Variants in ABCG2 observed in about 807,000 individuals in gnomAD.
ABCG2 encodes ATP binding cassette subfamily G member 2 (JR blood group), also known as broad substrate specificity ATP-binding cassette transporter ABCG2.
A neutral mutation model predicts 73.5 loss-of-function variants in ABCG2; 80 were observed. The observed-to-expected ratio is 1.09, with a 90% CI of 0.91 to 1.31. ABCG2 has a LOEUF of 1.31. Ranked by LOEUF, ABCG2 falls within the 50% of genes most tolerant of loss-of-function variation. The pLI is 0.00. For missense variants in ABCG2, 796 were observed against 786.2 expected, an observed-to-expected ratio of 1.01 and a Z score of -0.15; for synonymous variants, 269 against 282.4, an observed-to-expected ratio of 0.95 and a Z score of 0.48.
intron 11 of ABCG2, 30 bp from the exon 12 acceptor site, chr4:88,099,478 C>A: frequency 6.4e-7 from 1 of 1,572,608 alleles, no homozygotes; most frequent in South Asian, 1.2e-5. Flanking sequence ...ATCATACATC[C>A]AAGATTAGTT....
At chr4:88,230,854 G>A (rs892897441) in intron 1 of ABCG2, 1 of 152,166 alleles carries the variant, frequency 6.6e-6, no homozygotes, top group Non-Finnish European at 1.5e-5. Context: ...GTTTCAGCAA[G>A]ATCTCCAGGT....
Position 88,131,103 on chromosome 4 carries a change from C to A in ABCG2, c.489G>T (p.Arg163Ser). The A allele has an allele frequency of 6.2e-7, 1 of 1,613,946 alleles. No homozygotes were observed. Among genetic ancestry groups the A allele is most frequent in the Non-Finnish European group, 8.5e-7 (1 of 1,179,976 alleles). The stretch of plus-strand genomic sequence containing the variant: ...TATCCAGACCTAACTCTTGAATGAC[C>A]CTGTTAATCCGTTCGTTTTTTTCAT... ...TNHEKNERINRVIQELGLDKV... is the reference protein window; with the variant it reads ...TNHEKNERINSVIQELGLDKV... Residue 163 changes from arginine to serine, a missense_variant, in exon 5 of 16, where the codon AGG (arginine) becomes AGT (serine). Arg to Ser is a moderately radical substitution (Grantham distance 110, BLOSUM62 -1). Coordinates refer to ENST00000237612, the MANE Select transcript of ABCG2 (RefSeq NM_004827.3).
intron 1 of ABCG2, among the ~76,000 whole-genome samples, chr4:88,144,655 C>T (rs1463379297): frequency 6.6e-6 from 1 of 151,974 alleles, no homozygotes; most frequent in Non-Finnish European, 1.5e-5. Flanking sequence ...GAAGTTTCAC[C>T]ATGGTGGTCA....
intron 5 of ABCG2, among the ~76,000 whole-genome samples, chr4:88,128,869 T>C (rs1273478538): frequency 1.3e-5 from 2 of 152,230 alleles, no homozygotes; most frequent in Non-Finnish European, 2.9e-5. Context: ...ATGTATACTA[T>C]GTAACAAACC....
chr4:88,143,694 C>T (rs962859627), intron 1 of ABCG2, among the ~76,000 whole-genome samples: 5 of 151,928 alleles, frequency 3.3e-5, no homozygotes, highest in South Asian at 2.1e-4. Context: ...CAATCTTCCT[C>T]GGGAGATACA....
At chr4:88,122,232 G>A (rs1724058981) in intron 5 of ABCG2, among the ~76,000 whole-genome samples, 1 of 152,104 alleles carries the variant, frequency 6.6e-6, no homozygotes, top group African/African-American at 2.4e-5. Flanking sequence ...CACAAAACTG[G>A]GTGGCCATTT....
At chr4:88,151,607 G>A (rs1274307199) in intron 1 of ABCG2, among the ~76,000 whole-genome samples, 2 of 152,020 alleles carry the variant, frequency 1.3e-5, no homozygotes, top group African/African-American at 2.4e-5. Flanking sequence ...GCGTGGTGGA[G>A]GGGCGCCGGT....
chr4:88,124,942 A>G (rs1050566834), intron 5 of ABCG2, among the ~76,000 whole-genome samples: 86 of 152,354 alleles, frequency 5.6e-4, no homozygotes, highest in African/African-American at 1.9e-3. Flanking sequence ...AAGAACGGAA[A>G]TCATAACCAA....
intron 1 of ABCG2, among the ~76,000 whole-genome samples, chr4:88,140,349 G>A (rs1031644828): frequency 4.6e-5 from 7 of 152,132 alleles, no homozygotes; most frequent in Admixed American, 4.6e-4. Context: ...GGCTTGAAAA[G>A]CATATTATGA....
rs770030968 is a variant in ABCG2 at position 88,131,802 on chromosome 4, C to T, written c.378+1G>A. ...GAAAATGCAAACCCACTAATACTTA[C>T]TTGTACCACGTAACCTGAATTACAT... On this transcript the variant is annotated splice_donor_variant, in intron 4 of 15. Transcript: ENST00000237612. LOFTEE classifies it high-confidence loss of function. The T allele has an allele frequency of 6.2e-6, 10 of 1,611,346 alleles. No homozygotes were observed. Among genetic ancestry groups the T allele is most frequent in the Non-Finnish European group, 8.5e-6 (10 of 1,178,676 alleles).
At chr4:88,096,822 T>A (rs2110176186) in intron 13 of ABCG2, among the ~76,000 whole-genome samples, 1 of 152,196 alleles carries the variant, frequency 6.6e-6, no homozygotes, top group South Asian at 2.1e-4. Flanking sequence ...CTTAGTAGTG[T>A]GTGAACTCTG....
chr4:88,212,515 T>TA (rs1729645032), intron 1 of ABCG2, among the ~76,000 whole-genome samples: 1 of 152,226 alleles, frequency 6.6e-6, no homozygotes, highest in Non-Finnish European at 1.5e-5. Context: ...CCACCCTGCG[T>TA]TACCTATGTA....
chr4:88,096,636 T>C (rs182661739), intron 13 of ABCG2, among the ~76,000 whole-genome samples: 398 of 152,242 alleles, frequency 2.6e-3, no homozygotes, highest in Non-Finnish European at 4.5e-3. Context: ...AGACAGGACA[T>C]GTTCCTGTCA....
chr4:88,158,660 C>T (rs1377782079), upstream of ABCG2: 2 of 456,268 alleles, frequency 4.4e-6, no homozygotes, highest in Non-Finnish European at 8.8e-6. Flanking sequence ...TCCTGCGCGC[C>T]CGGAACCTTT....
chr4:88,115,090 T>C (rs1377481599), intron 7 of ABCG2, 32 bp from the exon 8 acceptor site: 9 of 1,467,252 alleles, frequency 6.1e-6, no homozygotes, highest in East Asian at 2.3e-5. Flanking sequence ...AAACACAAAC[T>C]TGATGGTCTT....
rs773694352 is a variant in ABCG2, at chr4:88,118,228, GAGA to G, written c.719_721del (p.Phe240del). The G allele has an allele frequency of 2.0e-5, 32 of 1,614,132 alleles. No homozygotes were observed. The highest frequency in any genetic ancestry group is 5.0e-5 in the Admixed American group (3 of 60,020). ...GATGGAATATCGAGGCTGATGAATG[GAGA>G]AGATGATTGTTCGTCCCTGCTTAGA... On this transcript the variant is annotated inframe_deletion, in exon 7 of 16. Transcript: ENST00000237612.
rs574387444 is a variant in ABCG2 at position 88,209,385 on chromosome 4, C to T, written c.-20+21609G>A. ...AAATAAATAAAAACAAAATTCAGAC[C>T]GGATGCGGTGGCTCACACTTATAAT... On this transcript the variant is annotated intron_variant, in intron 1 of 15. Transcript: ENST00000515655. Among the ~76,000 whole-genome samples the T allele has an allele frequency of 2.2e-4, 34 of 151,568 alleles. No homozygotes were observed. In the South Asian group the frequency reaches 6.0e-3, roughly 27 times the overall value.
At chr4:88,122,970 A>C (rs1724115473) in intron 5 of ABCG2, among the ~76,000 whole-genome samples, 1 of 152,162 alleles carries the variant, frequency 6.6e-6, no homozygotes, top group African/African-American at 2.4e-5. Flanking sequence ...GAGAAAAAAA[A>C]CAGGCAGCAA....
chr4:88,164,279 T>A (rs1184105616), upstream of ABCG2, among the ~76,000 whole-genome samples: 1 of 152,212 alleles, frequency 6.6e-6, no homozygotes, highest in Admixed American at 6.5e-5. Context: ...TTGGCCAGGC[T>A]GGTCTCGAAC....
Sources: allele counts gnomAD v4.1 joint callset (sites outside exome capture counted in the v4.1 genomes callset), GRCh38; gene constraint gnomAD v4.1.1; transcripts MANE v1.5; gene names NCBI Gene and HGNC (gene_info 2026-07-23, HGNC 2026-07-21).